Variants in KLHL3 observed in about 807,000 individuals in gnomAD.
KLHL3 encodes kelch-like protein 3.
KLHL3 carries 19 observed loss-of-function variants against 70.5 expected under a neutral mutation model. The observed-to-expected ratio is 0.27, with a 90% confidence interval of 0.19 to 0.40. The LOEUF is 0.40. Ranked by LOEUF, KLHL3 falls within the 10% of genes least tolerant of loss-of-function variation. KLHL3 has a pLI of 1.00. For synonymous variants in KLHL3, 258 were observed against 290.3 expected, an observed-to-expected ratio of 0.89 and a Z score of 1.13; for missense variants, 512 against 771.1, an observed-to-expected ratio of 0.66 and a Z score of 3.98.
At chr5:137,728,891 C>G (rs1180811837) in intron 1 of KLHL3, among the ~76,000 whole-genome samples, 1 of 151,300 alleles carries the variant, frequency 6.6e-6, no homozygotes, top group Non-Finnish European at 1.5e-5. Context: ...TGGGTGATGA[C>G]AGGTACTAAT....
chr5:137,633,937 C>T (rs1380096029), intron 12 of KLHL3, 100 bp downstream of exon 12: 3 of 1,473,478 alleles, frequency 2.0e-6, no homozygotes, highest in Non-Finnish European at 2.8e-6. Flanking sequence ...ATGTAACAAA[C>T]CTGCACATGT....
At chr5:137,643,098 C>T (rs1750958094) in intron 8 of KLHL3, among the ~76,000 whole-genome samples, 1 of 152,088 alleles carries the variant, frequency 6.6e-6, no homozygotes, top group East Asian at 1.9e-4. Context: ...TGCCTGTAAT[C>T]CCAGTACTTT....
chr5:137,625,918 T>C (rs747949358), intron 13 of KLHL3, 22 bp from the exon 14 acceptor site: 4 of 1,613,938 alleles, frequency 2.5e-6, no homozygotes, highest in Non-Finnish European at 3.4e-6. Flanking sequence ...ACAAAAGCCA[T>C]GGGAGACATC....
chr5:137,657,168 C>T (rs894839793), intron 8 of KLHL3, among the ~76,000 whole-genome samples: 7 of 152,198 alleles, frequency 4.6e-5, no homozygotes, highest in Non-Finnish European at 1.0e-4. Context: ...CAACATGCCT[C>T]TAGCCACTGT....
intron 6 of KLHL3, among the ~76,000 whole-genome samples, chr5:137,668,136 C>T (rs537236881): frequency 6.6e-6 from 1 of 152,314 alleles, no homozygotes; most frequent in South Asian, 2.1e-4. Context: ...GGCAAGGTGG[C>T]TCACACCTGT....
chr5:137,677,595 C>A lies in KLHL3; in HGVS notation c.586G>T (p.Val196Leu). 1 of 1,610,974 alleles carries A rather than the reference C, an allele frequency of 6.2e-7. No individual in the cohort carries two copies. The highest frequency in any genetic ancestry group is 1.1e-5 in the South Asian group (1 of 90,576). The part of the protein sequence containing the change: ...EEFLSLSLDQ[V>L]CSLISSDKLT... ...TTGTCGCTGGATATCAAGCTGCACACCTGGTCCAGACTCAGGCTAAGAAAT... is the reference window on the plus strand; with the variant it reads ...TTGTCGCTGGATATCAAGCTGCACAACTGGTCCAGACTCAGGCTAAGAAAT... Residue 196 changes from valine to leucine, a missense_variant, in exon 6 of 15, where the codon GTG (valine) becomes TTG (leucine). Transcript: ENST00000309755.
chr5:137,713,997 G>T (rs901374679), intron 2 of KLHL3, among the ~76,000 whole-genome samples: 1 of 151,476 alleles, frequency 6.6e-6, no homozygotes, highest in Non-Finnish European at 1.5e-5. Flanking sequence ...TTAGCATTAG[G>T]TATATCTCCT....
intron 14 of KLHL3, 43 bp from the exon 15 acceptor site, chr5:137,622,169 A>G: frequency 1.2e-6 from 2 of 1,610,092 alleles, no homozygotes; most frequent in Non-Finnish European, 1.7e-6. Flanking sequence ...AGCTTCTCCA[A>G]AATTACTCAG....
chr5:137,625,914 G>T lies in KLHL3; in HGVS notation c.1592-18C>A, dbSNP rs1332702650. On this transcript the variant is annotated intron_variant, in intron 13 of 14. Coordinates refer to ENST00000309755, the MANE Select transcript of KLHL3 (RefSeq NM_017415.3). ...ACAGACCCCTGTGAGTCAAACAAAA[G>T]CCATGGGAGACATCACAGCAGGTGC... 2 of 1,613,924 alleles carry T rather than the reference G, an allele frequency of 1.2e-6. No individual in the cohort carries two copies. Among genetic ancestry groups the T allele is most frequent in the Non-Finnish European group, 1.7e-6 (2 of 1,179,982 alleles).
intron 1 of KLHL3, among the ~76,000 whole-genome samples, chr5:137,723,866 T>G (rs921191809): frequency 3.9e-5 from 6 of 152,230 alleles, no homozygotes; most frequent in Admixed American, 3.3e-4. Flanking sequence ...TGTAAATGAT[T>G]TTTGTCAGAT....
chr5:137,639,736 A>T lies in KLHL3; in HGVS notation c.1021+124T>A. 6.5e-6 allele frequency: 4 copies of T among 618,002 alleles called. No homozygotes were observed. Among genetic ancestry groups the T allele is most frequent in the East Asian group, 2.9e-5 (1 of 34,910 alleles). 38.3% of individuals were successfully genotyped at this position (618,002 alleles called of 1,614,324 possible). A position where few individuals can be genotyped will look rare whatever the true frequency, so the allele number is the denominator to read the frequency against. ...CAAAAAAAAAAAAAAAGTGTGCAGG[A>T]GGGAAACGAATGGGAGCCTGAAATG... On this transcript the variant is annotated intron_variant, in intron 9 of 14. Transcript: ENST00000309755. The surrounding 1 kb of genome is among the most constrained non-coding windows in gnomAD (Gnocchi z 5.0).
intron 8 of KLHL3, chr5:137,653,133 C>T (rs1307734535): frequency 6.6e-6 from 1 of 151,814 alleles, no homozygotes; most frequent in East Asian, 1.9e-4. Context: ...ACCTGTAGTC[C>T]CAGCTACTCG....
chr5:137,627,967 C>T lies in KLHL3; in HGVS notation c.1591+330G>A, dbSNP rs1188022135. ...CTTGTCCACAGAGCCCTGTCCTTAG[C>T]TACCTACTAAAGCTGTTGGGCAGCG... On this transcript the variant is annotated intron_variant, in intron 13 of 14. Coordinates refer to ENST00000309755, the MANE Select transcript of KLHL3 (RefSeq NM_017415.3). 3 of 280,420 alleles carry T rather than the reference C, an allele frequency of 1.1e-5. No homozygotes were observed. In the East Asian group the frequency reaches 2.4e-4, roughly 22 times the overall value. 17.4% of individuals were successfully genotyped at this position (280,420 alleles called of 1,614,324 possible).
intron 5 of KLHL3, among the ~76,000 whole-genome samples, chr5:137,686,538 C>T (rs1752167130): frequency 6.6e-6 from 1 of 152,216 alleles, no homozygotes; most frequent in African/African-American, 2.4e-5. Flanking sequence ...GCATGAAATA[C>T]CTTCTAACTC....
intron 7 of KLHL3, 140 bp from the exon 8 acceptor site, chr5:137,658,420 C>T (rs1751396686): frequency 6.2e-6 from 5 of 806,624 alleles, no homozygotes; most frequent in East Asian, 2.5e-5. Context: ...AGAGTTACAA[C>T]TTACTGCTCA....
intron 8 of KLHL3, among the ~76,000 whole-genome samples, chr5:137,644,773 C>G (rs146556204): frequency 3.9e-5 from 6 of 152,290 alleles, no homozygotes; most frequent in African/African-American, 1.4e-4. Flanking sequence ...TCAAACTATT[C>G]TAAAATATTG....
intron 1 of KLHL3, among the ~76,000 whole-genome samples, chr5:137,732,305 G>A (rs1167239847): frequency 1.3e-5 from 2 of 151,900 alleles, no homozygotes; most frequent in East Asian, 3.9e-4. Context: ...AGGGAACTGG[G>A]GAAGACTTAG....
chr5:137,687,258 T>C (rs1203207495), intron 5 of KLHL3, among the ~76,000 whole-genome samples: 6 of 17,058 alleles, frequency 3.5e-4, no homozygotes, highest in African/African-American at 1.8e-3. Flanking sequence ...CGGGGGGGGG[T>C]CGGCCAGCCG....
intron 5 of KLHL3, among the ~76,000 whole-genome samples, chr5:137,686,802 A>G (rs1329043825): frequency 3.9e-5 from 6 of 152,258 alleles, no homozygotes; most frequent in Non-Finnish European, 8.8e-5. Flanking sequence ...TAAATACTGC[A>G]CAATCTAACC....
Sources: gnomAD v4.1 joint callset for allele counts (sites outside exome capture counted in the v4.1 genomes callset) on GRCh38, gnomAD v4.1.1 for gene constraint, Gnocchi (gnomAD v3.1) non-coding constraint, MANE v1.5 for transcripts, NCBI Gene and HGNC (gene_info 2026-07-23, HGNC 2026-07-21) for gene names.